The following GRIA4 variants were observed in gnomAD, a reference collection of about 807,000 sequenced individuals.
The protein encoded by GRIA4 is glutamate ionotropic receptor AMPA type subunit 4.
A neutral mutation model predicts 104.0 loss-of-function variants in GRIA4; 34 were observed. The ratio of observed to expected loss-of-function variants is 0.33; its 90% CI spans 0.25 to 0.44. The LOEUF (loss-of-function observed/expected upper bound fraction) is 0.44, where lower values mean the gene tolerates loss of function less well. Among genes scored for constraint, GRIA4 ranks in the 20% least tolerant of loss-of-function variants. GRIA4 has a pLI of 1.00. For synonymous variants in GRIA4, 386 were observed against 381.9 expected (o/e 1.01, Z -0.13); for missense variants, 750 against 1,096.5 (o/e 0.68, Z 4.46).
At chr11:105,978,406 A>G (rs1859101265) in intron 16 of GRIA4, among the ~76,000 whole-genome samples, 1 of 152,058 alleles carries the variant, frequency 6.6e-6, no homozygotes, top group Admixed American at 6.6e-5. Flanking sequence ...AAGACTGTTT[A>G]CTGAAACAGA....
Position 105,960,771 on chromosome 11 carries a change from G to A in GRIA4, c.2295-11143G>A, listed in dbSNP as rs1200848637. Among the ~76,000 whole-genome samples, 4 of 152,208 alleles carry A rather than the reference G, an allele frequency of 2.6e-5. No individual in the cohort carries two copies. In the East Asian group the frequency reaches 7.7e-4, roughly 29 times the overall value. On this transcript the variant is annotated intron_variant, in intron 14 of 16. Coordinates refer to ENST00000282499, the MANE Select transcript of GRIA4 (RefSeq NM_000829.4). ...CCCAGTGGCGTGGGTTCGCGAGTGG[G>A]ACCTTCCCATCTGTGGGTTGCACAG...
chr11:105,638,100 C>T (rs1951257546), intron 3 of GRIA4, among the ~76,000 whole-genome samples: 1 of 152,082 alleles, frequency 6.6e-6, no homozygotes, highest in Non-Finnish European at 1.5e-5. Flanking sequence ...ACACAGGTTG[C>T]TTTTTCTGAT....
intron 3 of GRIA4, among the ~76,000 whole-genome samples, chr11:105,653,465 G>C (rs540061488): frequency 1.2e-4 from 18 of 152,292 alleles, no homozygotes; most frequent in African/African-American, 3.8e-4. Flanking sequence ...TCATGTCCCA[G>C]GCATGACTGA....
chr11:105,755,544 C>T (rs1486494945), intron 4 of GRIA4, among the ~76,000 whole-genome samples: 3 of 152,110 alleles, frequency 2.0e-5, no homozygotes, highest in South Asian at 4.1e-4. Flanking sequence ...TGGGAACGTC[C>T]GTCCTTTTCT....
chr11:105,799,175 C>G (rs1399134255), intron 4 of GRIA4, among the ~76,000 whole-genome samples: 1 of 151,962 alleles, frequency 6.6e-6, no homozygotes, highest in African/African-American at 2.4e-5. Flanking sequence ...GTTTAGATGC[C>G]AAGTATCAAA....
chr11:105,714,806 A>AGT (rs1565485718), intron 3 of GRIA4, among the ~76,000 whole-genome samples: 4 of 151,548 alleles, frequency 2.6e-5, no homozygotes, highest in African/African-American at 4.8e-5. Context: ...GACCCAGAAG[A>AGT]GTGTGTGTGT....
At chr11:105,967,701 A>AC (rs1033193619) in intron 14 of GRIA4, among the ~76,000 whole-genome samples, 5 of 38,448 alleles carry the variant, frequency 1.3e-4, no homozygotes, top group Non-Finnish European at 2.5e-4. Context: ...GTGTTTGTAT[A>AC]CCAAAAAAAA....
At chr11:105,977,808 A>T (rs1859062106) in intron 16 of GRIA4, among the ~76,000 whole-genome samples, 1 of 152,080 alleles carries the variant, frequency 6.6e-6, no homozygotes, top group Admixed American at 6.5e-5. Flanking sequence ...CACCTCCAAT[A>T]ACACAGTCTC....
Position 105,610,993 on chromosome 11 carries a change from A to C in GRIA4, c.-5A>C. On this transcript the variant is annotated 5_prime_UTR_variant, in exon 2 of 17. Transcript: ENST00000282499. The stretch of plus-strand genomic sequence containing the variant: ...GAGCGCGCGCCAGGGAGAGGAGAAA[A>C]GAAGATGAGGATTATTTCCAGACAG... 6.2e-7 allele frequency: 1 copy of C among 1,604,308 alleles called. No individual in the cohort carries two copies. Among genetic ancestry groups the C allele is most frequent in the Non-Finnish European group, 8.5e-7 (1 of 1,171,594 alleles).
At position 105,694,994 on chromosome 11, in the gene GRIA4, T is replaced by C. The variant is rs191684409; in HGVS notation, c.248-57987T>C. Among the ~76,000 whole-genome samples, 18 of 152,284 alleles carry C rather than the reference T, an allele frequency of 1.2e-4. No individual in the cohort carries two copies. In the East Asian group the frequency reaches 3.5e-3, roughly 29 times the overall value. ...CAGATATGGAATCTGGGGACTCAAG[T>C]TAGCAAAGTAACATGTGCAAGGGTA... On this transcript the variant is annotated intron_variant, in intron 3 of 16. Coordinates refer to ENST00000282499, the MANE Select transcript of GRIA4 (RefSeq NM_000829.4).
intron 3 of GRIA4, among the ~76,000 whole-genome samples, chr11:105,735,093 C>A (rs7944207): frequency 6.6e-6 from 1 of 151,864 alleles, no homozygotes; most frequent in Non-Finnish European, 1.5e-5. Flanking sequence ...AAATACAATA[C>A]GCAAATCAGC....
chr11:105,776,857 C>G (rs961694711), intron 4 of GRIA4, among the ~76,000 whole-genome samples: 1 of 152,172 alleles, frequency 6.6e-6, no homozygotes, highest in Non-Finnish European at 1.5e-5. Flanking sequence ...CAGTTTAAAA[C>G]AAAAATTCCT....
chr11:105,944,150 T>C (rs368870887), intron 14 of GRIA4, among the ~76,000 whole-genome samples: 17 of 152,302 alleles, frequency 1.1e-4, no homozygotes, highest in African/African-American at 3.6e-4. Context: ...TTGTATAACA[T>C]AGAATCTGTC....
At chr11:105,728,920 A>C (rs1938400686) in intron 3 of GRIA4, among the ~76,000 whole-genome samples, 1 of 152,152 alleles carries the variant, frequency 6.6e-6, no homozygotes, top group South Asian at 2.1e-4. Flanking sequence ...TAAAATCCAC[A>C]CTCTAACATC....
At chr11:105,920,380 C>T (rs901112604) in intron 11 of GRIA4, among the ~76,000 whole-genome samples, 3 of 152,174 alleles carry the variant, frequency 2.0e-5, no homozygotes, top group South Asian at 2.1e-4. Flanking sequence ...TTAACAATAT[C>T]GAAGTTGTTG....
At chr11:105,671,513 C>T (rs1230697684) in intron 3 of GRIA4, among the ~76,000 whole-genome samples, 2 of 150,934 alleles carry the variant, frequency 1.3e-5, no homozygotes, top group African/African-American at 4.9e-5. Context: ...CCCGTCTCTA[C>T]TAAAAATACA....
intron 3 of GRIA4, among the ~76,000 whole-genome samples, chr11:105,649,133 A>C (rs1951615769): frequency 6.6e-6 from 1 of 152,210 alleles, no homozygotes; most frequent in Non-Finnish European, 1.5e-5. Context: ...GTTTTCATAA[A>C]TAATATATCA....
At chr11:105,814,948 T>C (rs540635377) in intron 4 of GRIA4, among the ~76,000 whole-genome samples, 1 of 152,224 alleles carries the variant, frequency 6.6e-6, no homozygotes, top group South Asian at 2.1e-4. Flanking sequence ...CCAGCCATAG[T>C]GATTGGTTCA....
chr11:105,845,990 A>G (rs1447732582), intron 4 of GRIA4, among the ~76,000 whole-genome samples: 3 of 152,248 alleles, frequency 2.0e-5, no homozygotes, highest in African/African-American at 7.2e-5. Flanking sequence ...GTAAACACTC[A>G]GTAAATGTTT....
Sources: allele counts gnomAD v4.1 joint callset (sites outside exome capture counted in the v4.1 genomes callset), GRCh38; gene constraint gnomAD v4.1.1; transcripts MANE v1.5; gene names NCBI Gene and HGNC (gene_info 2026-07-23, HGNC 2026-07-21).